Variants in COPG2 observed in about 807,000 individuals in gnomAD.
The protein encoded by COPG2 is coat protein complex I subunit gamma 2.
A neutral mutation model predicts 46.3 loss-of-function variants in COPG2; 37 were observed. The ratio of observed to expected loss-of-function variants is 0.80; its 90% CI spans 0.61 to 1.05. The LOEUF is 1.05. COPG2 is among the 50% of genes least tolerant of loss of function. COPG2 has a pLI of 0.00. For missense variants in COPG2, 427 were observed against 387.8 expected, an observed-to-expected ratio of 1.10 and a Z score of -0.85; for synonymous variants, 159 against 129.7, an observed-to-expected ratio of 1.23 and a Z score of -1.53.
chr7:130,606,181 G>A (rs902823443), intron 9 of COPG2, among the ~76,000 whole-genome samples: 1 of 151,600 alleles, frequency 6.6e-6, no homozygotes, highest in African/African-American at 2.4e-5. Flanking sequence ...AGCTGAGACT[G>A]TGCCACTGTA....
intron 20 of COPG2, among the ~76,000 whole-genome samples, chr7:130,529,569 G>A (rs1183733804): frequency 6.6e-5 from 10 of 152,278 alleles, no homozygotes; most frequent in African/African-American, 1.4e-4. Context: ...CTCAGGATAC[G>A]TTGGTGGTAT....
chr7:130,647,538 A>G (rs1238983849), intron 5 of COPG2, among the ~76,000 whole-genome samples: 2 of 152,054 alleles, frequency 1.3e-5, no homozygotes, highest in East Asian at 3.9e-4. Flanking sequence ...GTCACAGGGC[A>G]GGTATATAAT....
intron 20 of COPG2, 135 bp downstream of exon 20, chr7:130,547,527 CACACACACACAA>C (rs1277383179): frequency 4.6e-5 from 18 of 393,564 alleles, no homozygotes; most frequent in Non-Finnish European, 6.7e-5. Flanking sequence ...TATATATATT[CACACACACACAA>C]ACACACACAC....
At chr7:130,582,555 C>G (rs1290527071) in intron 9 of COPG2, among the ~76,000 whole-genome samples, 7 of 151,486 alleles carry the variant, frequency 4.6e-5, no homozygotes, top group African/African-American at 1.7e-4. Flanking sequence ...TCAGAGTGAA[C>G]AGGCAACCTA....
chr7:130,526,000 T>C (rs1178143381), intron 20 of COPG2, among the ~76,000 whole-genome samples: 2 of 120,512 alleles, frequency 1.7e-5, no homozygotes, highest in Non-Finnish European at 3.6e-5. Flanking sequence ...GTAGATGTGA[T>C]GGGCAGGGAT....
chr7:130,532,109 C>T (rs1160822497), intron 20 of COPG2, among the ~76,000 whole-genome samples: 4 of 152,224 alleles, frequency 2.6e-5, no homozygotes, highest in East Asian at 1.9e-4. Context: ...GAGGGGAAGA[C>T]GCACGTGCAG....
At chr7:130,633,479 A>G (rs1356061272) in intron 5 of COPG2, among the ~76,000 whole-genome samples, 5 of 152,110 alleles carry the variant, frequency 3.3e-5, no homozygotes, top group Non-Finnish European at 7.4e-5. Context: ...TTTGATTTGC[A>G]TTTCTCTAAT....
At chr7:130,604,897 C>CT (rs1432762135) in intron 9 of COPG2, among the ~76,000 whole-genome samples, 1 of 152,036 alleles carries the variant, frequency 6.6e-6, no homozygotes, top group Non-Finnish European at 1.5e-5. Context: ...TTATCAACCG[C>CT]TTTTTTCTGC....
intron 9 of COPG2, among the ~76,000 whole-genome samples, chr7:130,583,844 C>A (rs543697422): frequency 1.4e-5 from 2 of 140,902 alleles, no homozygotes; most frequent in Admixed American, 7.3e-5. Flanking sequence ...AAGTCCAGGA[C>A]CAGACTTTTC....
intron 5 of COPG2, among the ~76,000 whole-genome samples, chr7:130,631,128 T>C (rs1311310513): frequency 1.3e-5 from 2 of 152,044 alleles, no homozygotes; most frequent in Non-Finnish European, 2.9e-5. Context: ...CTATTTCTTT[T>C]CCATTCATCT....
At chr7:130,519,540 A>G (rs907437199) in intron 20 of COPG2, among the ~76,000 whole-genome samples, 1 of 152,224 alleles carries the variant, frequency 6.6e-6, no homozygotes, top group Non-Finnish European at 1.5e-5. Context: ...CAGCTGAATG[A>G]AGAAAGAATG....
At chr7:130,559,059 C>G (rs1460698269) in intron 12 of COPG2, among the ~76,000 whole-genome samples, 1 of 151,438 alleles carries the variant, frequency 6.6e-6, no homozygotes, top group African/African-American at 2.4e-5. Context: ...ATATGACTAC[C>G]TAAAAAAAAT....
intron 20 of COPG2, among the ~76,000 whole-genome samples, chr7:130,524,955 A>G (rs1361239439): frequency 2.0e-5 from 3 of 152,168 alleles, no homozygotes; most frequent in Non-Finnish European, 2.9e-5. Context: ...GGCTGTGGCA[A>G]TGGTGGCAGC....
chr7:130,668,389 A>C (rs1796138068), intron 1 of COPG2, among the ~76,000 whole-genome samples: 3 of 147,678 alleles, frequency 2.0e-5, no homozygotes, highest in East Asian at 2.1e-4. Flanking sequence ...AGGGGCGGGA[A>C]CGGGGCGCGC....
Position 130,613,541 on chromosome 7 carries a change from T to C in COPG2, c.492+3A>G, listed in dbSNP as rs781988749. 1.4e-5 allele frequency: 22 copies of C among 1,567,546 alleles called. No individual in the cohort carries two copies. Among genetic ancestry groups the C allele is most frequent in the Admixed American group, 5.2e-5 (3 of 57,432 alleles). ...AGAACTAGGAAGCTGCTTGTTCACT[T>C]ACCAGGGAAGATACCAGTGCTGAAC... On this transcript the variant is annotated splice_donor_region_variant and intron_variant, in intron 7 of 23. Coordinates refer to ENST00000425248, the MANE Select transcript of COPG2 (RefSeq NM_012133.6).
chr7:130,525,715 G>A (rs974863408), intron 20 of COPG2, among the ~76,000 whole-genome samples: 36 of 152,294 alleles, frequency 2.4e-4, no homozygotes, highest in South Asian at 8.3e-4. Flanking sequence ...AGTGGGTCTC[G>A]TAGTTGTAAT....
At chr7:130,653,366 G>A (rs531447539) in intron 4 of COPG2, among the ~76,000 whole-genome samples, 12 of 152,302 alleles carry the variant, frequency 7.9e-5, no homozygotes, top group African/African-American at 1.9e-4. Flanking sequence ...CAATTCTCCT[G>A]CCGCAGCCTC....
At chr7:130,603,349 T>C (rs1229606820) in intron 9 of COPG2, among the ~76,000 whole-genome samples, 1 of 152,246 alleles carries the variant, frequency 6.6e-6, no homozygotes, top group African/African-American at 2.4e-5. Flanking sequence ...ATTTCCATTA[T>C]TGTATACTAT....
Position 130,507,746 on chromosome 7 carries a change from C to T in COPG2, c.2325G>A (p.Glu775=), listed in dbSNP as rs1554440398. 5 of 780,394 alleles carry T rather than the reference C, an allele frequency of 6.4e-6. No individual in the cohort carries two copies. The highest frequency in any genetic ancestry group is 9.6e-6 in the Non-Finnish European group (4 of 417,888). 48.3% of individuals were successfully genotyped at this position (780,394 alleles called of 1,614,324 possible). A position where few individuals can be genotyped will look rare whatever the true frequency, so the allele number is the denominator to read the frequency against. ...CCTCTTTCTCAAAGGTATCTCCCAC[C>T]TCTTCCCAAGCAGCAGCAAAGTTAG... ...LKPNFAAAWE[E]VGDTFEKEET... The change falls in exon 22 of 24, where the codon GAG becomes GAA. Residue 775 remains glutamate (E), a synonymous_variant. Transcript: ENST00000425248.
Sources: allele counts gnomAD v4.1 joint callset (sites outside exome capture counted in the v4.1 genomes callset), GRCh38; gene constraint gnomAD v4.1.1; transcripts MANE v1.5; gene names NCBI Gene and HGNC (gene_info 2026-07-23, HGNC 2026-07-21).